The following FGGY variants were observed in gnomAD, a reference collection of about 807,000 sequenced individuals.
The protein encoded by FGGY is FGGY carbohydrate kinase domain-containing protein.
Under a neutral mutation model 71.3 loss-of-function variants are expected in FGGY, and 72 were observed. The ratio of observed to expected loss-of-function variants is 1.01; its 90% CI spans 0.84 to 1.23. The LOEUF is 1.23. FGGY is among the 50% of genes most tolerant of loss of function. The probability of loss-of-function intolerance (pLI) is 0.00; values close to 1 mark genes in which losing one functional copy is unlikely to be tolerated. For missense variants in FGGY, 668 were observed against 682.3 expected, an observed-to-expected ratio of 0.98 and a Z score of 0.23; for synonymous variants, 251 against 250.3, an observed-to-expected ratio of 1.00 and a Z score of -0.02.
chr1:59,344,424 TC>T (rs1346271592), intron 3 of FGGY, among the ~76,000 whole-genome samples: 1 of 152,128 alleles, frequency 6.6e-6, no homozygotes, highest in Non-Finnish European at 1.5e-5. Flanking sequence ...CATATTTGCC[TC>T]AGCTCCTTTT....
intron 5 of FGGY, among the ~76,000 whole-genome samples, chr1:59,427,198 G>A (rs989744139): frequency 3.9e-5 from 6 of 152,206 alleles, no homozygotes; most frequent in African/African-American, 1.4e-4. Flanking sequence ...TGGGAACTCA[G>A]GTCCATAGCA....
chr1:59,660,212 C>T lies in FGGY; in HGVS notation c.1222-7C>T. The T allele has an allele frequency of 6.2e-7, 1 of 1,612,952 alleles. No homozygotes were observed. ...ATCTTCTTCTTTTCTTCCCTTCATGCCTGCAGGTCACCGGATTGAAACTGT... is the reference window on the plus strand; with the variant it reads ...ATCTTCTTCTTTTCTTCCCTTCATGTCTGCAGGTCACCGGATTGAAACTGT... On this transcript the variant is annotated splice_polypyrimidine_tract_variant and splice_region_variant and intron_variant, in intron 11 of 15. Coordinates refer to ENST00000303721, the MANE Select transcript of FGGY (RefSeq NM_018291.5).
intron 10 of FGGY, among the ~76,000 whole-genome samples, chr1:59,637,252 C>T (rs2096969542): frequency 6.6e-6 from 1 of 152,172 alleles, no homozygotes; most frequent in Admixed American, 6.5e-5. Context: ...ATCATCTTCT[C>T]TCCACCTCCT....
At chr1:59,539,526 A>G (rs1315116847) in intron 7 of FGGY, among the ~76,000 whole-genome samples, 5 of 152,198 alleles carry the variant, frequency 3.3e-5, no homozygotes, top group Admixed American at 3.3e-4. Context: ...TTTTCAGTGA[A>G]ATAGTACCCT....
intron 8 of FGGY, among the ~76,000 whole-genome samples, chr1:59,599,475 A>G (rs2096555596): frequency 6.6e-6 from 1 of 152,012 alleles, no homozygotes; most frequent in East Asian, 2.0e-4. Context: ...CGGGCGGATC[A>G]CTTGAGGTCA....
chr1:59,389,185 A>T (rs2060418995), intron 5 of FGGY, among the ~76,000 whole-genome samples: 1 of 152,096 alleles, frequency 6.6e-6, no homozygotes, highest in Non-Finnish European at 1.5e-5. Flanking sequence ...TGACCTTGTG[A>T]TCCGCCCACG....
intron 13 of FGGY, 137 bp downstream of exon 13, chr1:59,667,540 T>C: frequency 9.0e-7 from 1 of 1,112,328 alleles, no homozygotes; most frequent in South Asian, 1.5e-5. Context: ...GTCTTTATAT[T>C]CACAATGGAG....
intron 8 of FGGY, among the ~76,000 whole-genome samples, chr1:59,571,888 CA>C (rs982850762): frequency 4.6e-5 from 7 of 151,778 alleles, no homozygotes; most frequent in African/African-American, 1.7e-4. Context: ...CAAAAAGAAG[CA>C]AAAAAGACAA....
intron 4 of FGGY, among the ~76,000 whole-genome samples, chr1:59,370,589 C>T (rs2057429158): frequency 6.6e-6 from 1 of 151,622 alleles, no homozygotes; most frequent in African/African-American, 2.4e-5. Context: ...AGAGCAACTC[C>T]AAGACACATA....
At chr1:59,718,075 C>G (rs1431901255) in intron 14 of FGGY, among the ~76,000 whole-genome samples, 2 of 152,146 alleles carry the variant, frequency 1.3e-5, no homozygotes, top group Non-Finnish European at 2.9e-5. Flanking sequence ...TGTCACATTA[C>G]CTCTCAGGAG....
At chr1:59,625,879 G>C (rs762608336) in intron 9 of FGGY, 109 bp from the exon 10 acceptor site, 1 of 768,058 alleles carries the variant, frequency 1.3e-6, no homozygotes, top group Non-Finnish European at 1.9e-6. Flanking sequence ...CTTGGAACCC[G>C]TATGGACAAA....
rs58170089 is a variant in FGGY, at chr1:59,499,299, GT to G, written c.671-12996del. Among the ~76,000 whole-genome samples the G allele has an allele frequency of 1.0e-3, 107 of 105,796 alleles. 2 individuals carry two copies. Among genetic ancestry groups the G allele is most frequent in the South Asian group, 8.9e-3 (30 of 3,354 alleles). The allele number at this position is 105,796 out of a possible 152,430, so 69.4% of individuals were successfully genotyped here. A position where few individuals can be genotyped will look rare whatever the true frequency, so the allele number is the denominator to read the frequency against. ...ACTGAACCCTATGTATACTATGTTT[GT>G]TTTTTTTTTTTTTTTGATCTGGTAA... On this transcript the variant is annotated intron_variant, in intron 6 of 15. Coordinates refer to ENST00000303721, the MANE Select transcript of FGGY (RefSeq NM_018291.5).
intron 6 of FGGY, among the ~76,000 whole-genome samples, chr1:59,478,874 A>T (rs1201263170): frequency 6.6e-6 from 1 of 152,210 alleles, no homozygotes; most frequent in Non-Finnish European, 1.5e-5. Flanking sequence ...AGGAGATTTT[A>T]CAAGGGGAGG....
chr1:59,716,880 C>T (rs983721814), intron 14 of FGGY, among the ~76,000 whole-genome samples: 14 of 152,024 alleles, frequency 9.2e-5, no homozygotes, highest in South Asian at 2.1e-4. Context: ...AGCTCTCAGA[C>T]GGACAGAATC....
At chr1:59,522,284 G>A (rs1440292251) in intron 7 of FGGY, among the ~76,000 whole-genome samples, 6 of 152,214 alleles carry the variant, frequency 3.9e-5, no homozygotes, top group Non-Finnish European at 8.8e-5. Flanking sequence ...ATCTATTTGT[G>A]TGTAGGTATG....
chr1:59,341,319 C>T (rs949170182), intron 3 of FGGY, among the ~76,000 whole-genome samples: 9 of 152,122 alleles, frequency 5.9e-5, no homozygotes, highest in African/African-American at 1.7e-4. Flanking sequence ...GAGAATATTC[C>T]GGTCACTACT....
chr1:59,682,787 C>G (rs7525282), intron 14 of FGGY, among the ~76,000 whole-genome samples: 114,464 of 152,170 alleles, frequency 0.75, 43,295 homozygotes, highest in African/African-American at 0.8. Context: ...GAGTCACCCA[C>G]CCTGGACTAT....
intron 2 of FGGY, among the ~76,000 whole-genome samples, chr1:59,330,912 G>T (rs923189854): frequency 6.6e-6 from 1 of 152,084 alleles, no homozygotes; most frequent in African/African-American, 2.4e-5. Flanking sequence ...TGGCAGAGAA[G>T]AAACTAAATT....
chr1:59,539,153 G>A lies in FGGY; in HGVS notation c.800-14971G>A, dbSNP rs75365359. On this transcript the variant is annotated intron_variant, in intron 7 of 15. Transcript: ENST00000303721. ...ATAAATAAATCGAGGGATATATGAT[G>A]TTCATTGATTGGAAAACAGTATTAT... Among the ~76,000 whole-genome samples, 1,429 of 152,230 alleles carry A rather than the reference G, an allele frequency of 9.4e-3. 26 individuals carry two copies. Among genetic ancestry groups the A allele is most frequent in the African/African-American group, 0.033 (1,366 of 41,532 alleles).
Sources: allele counts gnomAD v4.1 joint callset (sites outside exome capture counted in the v4.1 genomes callset), GRCh38; gene constraint gnomAD v4.1.1; transcripts MANE v1.5; gene names NCBI Gene and HGNC (gene_info 2026-07-23, HGNC 2026-07-21).